The following PTK2 variants were observed in gnomAD, a reference collection of about 807,000 sequenced individuals.
PTK2 encodes focal adhesion kinase 1.
A neutral mutation model predicts 150.1 loss-of-function variants in PTK2; 45 were observed. The ratio of observed to expected loss-of-function variants is 0.30; its 90% CI spans 0.24 to 0.38. PTK2 has a LOEUF of 0.38. Among genes scored for constraint, PTK2 ranks in the 10% least tolerant of loss-of-function variants. The pLI is 1.00. For synonymous variants in PTK2, 432 were observed against 449.2 expected (o/e 0.96, Z 0.48); for missense variants, 919 against 1,307.3 (o/e 0.70, Z 4.58).
chr8:140,975,365 T>G (rs986749153), intron 1 of PTK2, among the ~76,000 whole-genome samples: 8 of 152,162 alleles, frequency 5.3e-5, no homozygotes, highest in African/African-American at 1.7e-4. Flanking sequence ...TCCTGCCCAG[T>G]ATCGACTGCA....
At chr8:140,859,325 G>C (rs1469723434) in intron 5 of PTK2, among the ~76,000 whole-genome samples, 1 of 152,202 alleles carries the variant, frequency 6.6e-6, no homozygotes, top group Non-Finnish European at 1.5e-5. Context: ...ATGGGACAGG[G>C]AAGTATCAGG....
intron 1 of PTK2, among the ~76,000 whole-genome samples, chr8:140,927,806 T>C (rs1438311972): frequency 1.3e-5 from 2 of 150,890 alleles, no homozygotes; most frequent in African/African-American, 4.9e-5. Context: ...ATACAAAAAA[T>C]TGGCCGCGCG....
intron 3 of PTK2, among the ~76,000 whole-genome samples, chr8:140,888,981 T>G (rs1034984382): frequency 1.2e-4 from 18 of 152,130 alleles, no homozygotes; most frequent in African/African-American, 3.9e-4. Flanking sequence ...TGATAAACCT[T>G]ATGGCAGGAT....
chr8:140,830,493 C>A lies in PTK2; in HGVS notation c.627G>T (p.Lys209Asn). 1 of 1,544,222 alleles carries A rather than the reference C, an allele frequency of 6.5e-7. No homozygotes were observed. Among genetic ancestry groups the A allele is most frequent in the Non-Finnish European group, 8.8e-7 (1 of 1,135,616 alleles). Residue 209 changes from lysine (K) to asparagine (N), a missense_variant, in exon 8 of 32, where the codon AAG (lysine) becomes AAT (asparagine). Transcript: ENST00000522684. ...TTACCTTGACAGAATCCAGTAAACT[C>A]TTAGGAAAAAATCGCTTTAAACCAA...
chr8:140,962,683 GA>G (rs1318625234), intron 1 of PTK2, among the ~76,000 whole-genome samples: 1 of 152,146 alleles, frequency 6.6e-6, no homozygotes, highest in South Asian at 2.1e-4. Context: ...TCGGGAGGCT[GA>G]GGCAGAGAAT....
chr8:140,941,155 G>T (rs964761909), intron 1 of PTK2, among the ~76,000 whole-genome samples: 1 of 152,072 alleles, frequency 6.6e-6, no homozygotes, highest in Non-Finnish European at 1.5e-5. Flanking sequence ...TCTAAAAAGC[G>T]TACCAGCACA....
At chr8:140,749,152 T>C (rs2100061269) in intron 17 of PTK2, among the ~76,000 whole-genome samples, 1 of 152,218 alleles carries the variant, frequency 6.6e-6, no homozygotes, top group Non-Finnish European at 1.5e-5. Flanking sequence ...CTGGTAGTTT[T>C]TTTCAACAAA....
In PTK2 at chr8:140,764,462, G is replaced by A. The variant is rs957776503; in HGVS notation, c.1178-172C>T. The stretch of plus-strand genomic sequence containing the variant: ...ACATGAGTCATTTATGGAAATAAAA[G>A]TGACATCATTGTCCAATACGTTATA... On this transcript the variant is annotated intron_variant, in intron 14 of 31. Coordinates refer to ENST00000522684, the Ensembl canonical transcript of PTK2. 1.2e-5 allele frequency: 7 copies of A among 599,370 alleles called. No individual in the cohort carries two copies. The South Asian group carries it at 1.5e-4, about 13-fold the overall frequency. The allele number at this position is 599,370 out of a possible 1,614,324, so 37.1% of individuals were successfully genotyped here. A position where few individuals can be genotyped will look rare whatever the true frequency, so the allele number is the denominator to read the frequency against.
rs533089786 is a variant in PTK2, at chr8:140,679,003, G to GTTTTTTTTTTTTT, written c.2563-3517_2563-3505dup. On this transcript the variant is annotated intron_variant, in intron 27 of 31. Transcript: ENST00000522684. ...TCACGGCCAGCTGAGTGCTCCCCAT[G>GTTTTTTTTTTTTT]TTTTTTTTTTTTTTTTTTTTTTTTT... Among the ~76,000 whole-genome samples, 22 of 69,008 alleles carry GTTTTTTTTTTTTT rather than the reference G, an allele frequency of 3.2e-4. 5 individuals carry two copies. Among genetic ancestry groups the GTTTTTTTTTTTTT allele is most frequent in the South Asian group, 1.1e-3 (2 of 1,778 alleles). 45.3% of individuals were successfully genotyped at this position (69,008 alleles called of 152,430 possible). A position where few individuals can be genotyped will look rare whatever the true frequency, so the allele number is the denominator to read the frequency against.
chr8:140,784,717 A>G (rs2154571592), intron 14 of PTK2, among the ~76,000 whole-genome samples: 1 of 152,328 alleles, frequency 6.6e-6, no homozygotes, highest in Admixed American at 6.5e-5. Context: ...TTATAACTTA[A>G]TAATTAGGCT....
chr8:140,793,148 C>T (rs2100089529), intron 13 of PTK2, among the ~76,000 whole-genome samples: 1 of 152,116 alleles, frequency 6.6e-6, no homozygotes, highest in Non-Finnish European at 1.5e-5. Context: ...CCCCATAGAA[C>T]TTAAAGGAAA....
chr8:140,784,524 T>C (rs939269276), intron 14 of PTK2, among the ~76,000 whole-genome samples: 4 of 152,184 alleles, frequency 2.6e-5, no homozygotes, highest in African/African-American at 7.2e-5. Flanking sequence ...TACTCATTGA[T>C]TTGGAAATAC....
intron 2 of PTK2, among the ~76,000 whole-genome samples, chr8:140,915,547 A>G: frequency 6.6e-6 from 1 of 152,172 alleles, no homozygotes; most frequent in South Asian, 2.1e-4. Context: ...GTCAATAAGC[A>G]TAATATGGGG....
chr8:140,775,365 G>T (rs1052859099), intron 14 of PTK2, among the ~76,000 whole-genome samples: 7 of 152,062 alleles, frequency 4.6e-5, no homozygotes, highest in African/African-American at 2.4e-5. Flanking sequence ...TGTGCTTGTA[G>T]TCATAGCTAC....
At chr8:140,700,522 C>T (rs1197679516) in intron 26 of PTK2, among the ~76,000 whole-genome samples, 11 of 150,356 alleles carry the variant, frequency 7.3e-5, no homozygotes, top group Non-Finnish European at 1.5e-4. Context: ...TTTCACTCGT[C>T]GCCCAGGCTG....
At chr8:140,778,654 G>A (rs529882811) in intron 14 of PTK2, among the ~76,000 whole-genome samples, 3 of 152,338 alleles carry the variant, frequency 2.0e-5, no homozygotes, top group East Asian at 3.9e-4. Flanking sequence ...GGGACAGAAC[G>A]AGCTGGCTTT....
At chr8:140,827,469 G>A (rs1278423936) in intron 8 of PTK2, among the ~76,000 whole-genome samples, 3 of 152,170 alleles carry the variant, frequency 2.0e-5, no homozygotes, top group African/African-American at 7.2e-5. Context: ...CCAGGGCAAT[G>A]GAAGCCTAAA....
intron 31 of PTK2, among the ~76,000 whole-genome samples, chr8:140,663,994 T>C (rs1055306877): frequency 1.3e-5 from 2 of 150,036 alleles, no homozygotes; most frequent in Admixed American, 6.6e-5. Flanking sequence ...TTTAAAATGA[T>C]TTTTTTTTTC....
intron 1 of PTK2, among the ~76,000 whole-genome samples, chr8:140,957,574 A>G (rs2100181627): frequency 6.6e-6 from 1 of 152,228 alleles, no homozygotes; most frequent in Admixed American, 6.5e-5. Context: ...AGGCCTTCAC[A>G]TTCACTCACC....
Sources: allele counts gnomAD v4.1 joint callset (sites outside exome capture counted in the v4.1 genomes callset), GRCh38; gene constraint gnomAD v4.1.1; transcripts MANE v1.5; gene names NCBI Gene and HGNC (gene_info 2026-07-23, HGNC 2026-07-21).